The following DNAJC6 variants were observed in gnomAD, a reference collection of about 807,000 sequenced individuals.
The protein encoded by DNAJC6 is DnaJ heat shock protein family (Hsp40) member C6.
In DNAJC6, 34 loss-of-function variants were observed where a neutral mutation model predicts 110.0. That is an observed-to-expected ratio of 0.31 (90% CI 0.24 to 0.41). DNAJC6 has a LOEUF of 0.41. Ranked by LOEUF, DNAJC6 falls within the 10% of genes least tolerant of loss-of-function variation. The pLI is 1.00. For missense variants in DNAJC6, 1,031 were observed against 1,207.8 expected (o/e 0.85, Z 2.17); for synonymous variants, 406 against 437.2 (o/e 0.93, Z 0.89).
chr1:65,319,453 C>T (rs560614330), intron 1 of DNAJC6, among the ~76,000 whole-genome samples: 117 of 152,228 alleles, frequency 7.7e-4, no homozygotes, highest in Non-Finnish European at 1.2e-3. Flanking sequence ...GAGTCCAGGC[C>T]TAAGGCCCGA....
In DNAJC6 at chr1:65,265,877, G is replaced by A. The variant is rs933572679; in HGVS notation, c.-131+945G>A. Among the ~76,000 whole-genome samples the A allele has an allele frequency of 5.9e-5, 9 of 152,110 alleles. No homozygotes were observed. In the East Asian group the frequency reaches 1.7e-3, roughly 29 times the overall value. On this transcript the variant is annotated intron_variant, in intron 1 of 19. Coordinates refer to the DNAJC6 transcript ENST00000263441. ...GAGGACGCCGTCTCCGCGCGGCGGT[G>A]CCGGGCCCCTGCTTCCGGAACGCTA...
At chr1:65,385,567 T>C (rs1015758916) in intron 6 of DNAJC6, 145 bp from the exon 7 acceptor site, 1 of 671,404 alleles carries the variant, frequency 1.5e-6, no homozygotes, top group Non-Finnish European at 2.3e-6. Context: ...GATCGCATTA[T>C]CTTTTGCTAG....
At chr1:65,265,577 A>G (rs904073131) in intron 1 of DNAJC6, among the ~76,000 whole-genome samples, 2 of 152,200 alleles carry the variant, frequency 1.3e-5, no homozygotes, top group African/African-American at 4.8e-5. Flanking sequence ...ATTTAAATAA[A>G]AACTCAAAAA....
At chr1:65,268,106 T>C (rs1653395903) in intron 1 of DNAJC6, among the ~76,000 whole-genome samples, 1 of 152,144 alleles carries the variant, frequency 6.6e-6, no homozygotes, top group Non-Finnish European at 1.5e-5. Flanking sequence ...GAGAATCAGG[T>C]AAAATTATAA....
chr1:65,356,532 G>T (rs1166440590), intron 1 of DNAJC6, among the ~76,000 whole-genome samples: 1 of 151,420 alleles, frequency 6.6e-6, no homozygotes, highest in African/African-American at 2.4e-5. Flanking sequence ...CCACTGCACT[G>T]CAGCCTAGAT....
chr1:65,410,883 T>A lies in DNAJC6; in HGVS notation c.2635-367T>A, dbSNP rs559602020. Among the ~76,000 whole-genome samples, 393 of 152,316 alleles carry A rather than the reference T, an allele frequency of 2.6e-3. 1 individual carries two copies. The highest frequency in any genetic ancestry group is 9.0e-3 in the African/African-American group (376 of 41,562). ...TATTATGGTAGAAATATGTTTAAGG[T>A]AGAGTGGCCCAGAGAAGTTTGGCCC... On this transcript the variant is annotated intron_variant, in intron 17 of 18. Transcript: ENST00000371069.
upstream of DNAJC6, among the ~76,000 whole-genome samples, chr1:65,304,802 G>A (rs536754132): frequency 6.6e-6 from 1 of 152,364 alleles, no homozygotes; most frequent in Admixed American, 6.5e-5. Context: ...ATAGGAATGA[G>A]TGGAGGAGGC....
At chr1:65,385,627 G>A in intron 6 of DNAJC6, 85 bp from the exon 7 acceptor site, 1 of 1,224,528 alleles carries the variant, frequency 8.2e-7, no homozygotes. Context: ...ACAGTAATTT[G>A]CAAGAAGAAT....
rs33917506 is a variant in DNAJC6 at position 65,374,295 on chromosome 1, G to GTT, written c.544-5099_544-5098dup. Among the ~76,000 whole-genome samples, 113 of 150,966 alleles carry GTT rather than the reference G, an allele frequency of 7.5e-4. 1 individual carries two copies. The highest frequency in any genetic ancestry group is 2.5e-3 in the African/African-American group (103 of 41,056). On this transcript the variant is annotated intron_variant, in intron 4 of 18. Transcript: ENST00000371069. ...TTGTGGTTCCACATACATTTTAGGG[G>GTT]TTTTTTTTTATTTCTGTGAAGAATG... is the stretch of plus-strand genomic sequence containing the variant.
In DNAJC6 at chr1:65,375,055, C is replaced by G. The variant is rs146787458; in HGVS notation, c.544-4347C>G. On this transcript the variant is annotated intron_variant, in intron 4 of 18. Coordinates refer to ENST00000371069, the MANE Select transcript of DNAJC6 (RefSeq NM_001256864.2). ...CTTGACTCACTGCAACCTCCGCCTC[C>G]TGGATTCAAGCAGTTCTCCTGCCTC... Among the ~76,000 whole-genome samples the G allele has an allele frequency of 4.2e-3, 636 of 151,850 alleles. 3 individuals carry two copies. The highest frequency in any genetic ancestry group is 0.015 in the African/African-American group (601 of 41,360).
chr1:65,329,053 G>A (rs2101444676), intron 1 of DNAJC6, among the ~76,000 whole-genome samples: 1 of 152,302 alleles, frequency 6.6e-6, no homozygotes, highest in Non-Finnish European at 1.5e-5. Context: ...AATAAATAGT[G>A]AATGGGTAGA....
Position 65,388,727 on chromosome 1 carries a change from C to T in DNAJC6, c.1193+312C>T, listed in dbSNP as rs369313793. On this transcript the variant is annotated intron_variant, in intron 9 of 18. Coordinates refer to ENST00000371069, the MANE Select transcript of DNAJC6 (RefSeq NM_001256864.2). ...CATCTGTGTATCCCCTTGTGTTTTC[C>T]AGTGGGGATGGCAGTTTAATCAGTG... Among the ~76,000 whole-genome samples, 5 of 152,194 alleles carry T rather than the reference C, an allele frequency of 3.3e-5. No homozygotes were observed. The East Asian group carries it at 5.8e-4, about 18-fold the overall frequency.
intron 16 of DNAJC6, among the ~76,000 whole-genome samples, chr1:65,407,183 T>C (rs1646085238): frequency 6.6e-6 from 1 of 152,204 alleles, no homozygotes. Context: ...GAAGCATCCC[T>C]CTGTCTAGCA....
rs1038561446 is a variant in DNAJC6 at position 65,386,046 on chromosome 1, G to C, written c.995+140G>C. 3.3e-6 allele frequency: 3 copies of C among 903,974 alleles called. No individual in the cohort carries two copies. The East Asian group carries it at 8.0e-5, about 24-fold the overall frequency. 56.0% of individuals were successfully genotyped at this position (903,974 alleles called of 1,614,324 possible). On this transcript the variant is annotated intron_variant, in intron 7 of 18. Transcript: ENST00000371069. ...ATATAAAAAATGTTCAACATCAGTGGTAATCATAGAAAAGTACAAGTAAAT... is the reference window on the plus strand; with the variant it reads ...ATATAAAAAATGTTCAACATCAGTGCTAATCATAGAAAAGTACAAGTAAAT...
intron 11 of DNAJC6, among the ~76,000 whole-genome samples, chr1:65,390,271 G>A (rs28429763): frequency 0.45 from 69,039 of 151,948 alleles, 16,168 homozygotes; most frequent in Middle Eastern, 0.58. Flanking sequence ...TCTATCTTCC[G>A]CTGTCAACTA....
intron 1 of DNAJC6, among the ~76,000 whole-genome samples, chr1:65,340,363 G>A (rs995655383): frequency 6.6e-6 from 1 of 152,200 alleles, no homozygotes; most frequent in Non-Finnish European, 1.5e-5. Context: ...GCCTCCCTCA[G>A]GATGTAGCCA....
intron 13 of DNAJC6, among the ~76,000 whole-genome samples, chr1:65,396,473 G>A (rs1026385223): frequency 1.3e-5 from 2 of 152,090 alleles, no homozygotes; most frequent in African/African-American, 4.8e-5. Flanking sequence ...CATTCCAGCT[G>A]TACTGGCCTC....
chr1:65,353,477 G>A (rs1258671505), intron 1 of DNAJC6, among the ~76,000 whole-genome samples: 1 of 152,104 alleles, frequency 6.6e-6, no homozygotes, highest in Non-Finnish European at 1.5e-5. Context: ...ATTTGGATTG[G>A]CACCTGTAGC....
At chr1:65,374,295 GT>G (rs33917506) in intron 4 of DNAJC6, among the ~76,000 whole-genome samples, 26 of 150,972 alleles carry the variant, frequency 1.7e-4, no homozygotes, top group Non-Finnish European at 3.1e-4. Flanking sequence ...CATTTTAGGG[GT>G]TTTTTTTTAT....
Sources: gnomAD v4.1 joint callset for allele counts (sites outside exome capture counted in the v4.1 genomes callset) on GRCh38, gnomAD v4.1.1 for gene constraint, MANE v1.5 for transcripts, NCBI Gene and HGNC (gene_info 2026-07-23, HGNC 2026-07-21) for gene names.